The following DUT variants were observed in gnomAD, a reference collection of about 807,000 sequenced individuals.
The protein encoded by DUT is deoxyuridine 5'-triphosphate nucleotidohydrolase, mitochondrial.
DUT carries 21 observed loss-of-function variants against 28.8 expected under a neutral mutation model. The observed-to-expected ratio is 0.73, with a 90% CI of 0.52 to 1.05. The LOEUF is 1.05. Ranked by LOEUF, DUT falls within the 50% of genes least tolerant of loss-of-function variation. The pLI is 0.00. For synonymous variants in DUT, 147 were observed against 143.7 expected (o/e 1.02, Z -0.17); for missense variants, 344 against 351.8 (o/e 0.98, Z 0.18).
chr15:48,342,205 C>T lies in DUT; in HGVS notation c.*127C>T. The T allele has an allele frequency of 2.1e-6, 1 of 485,734 alleles. No individual in the cohort carries two copies. Among genetic ancestry groups the T allele is most frequent in the East Asian group, 3.6e-5 (1 of 27,428 alleles). The allele number at this position is 485,734 out of a possible 1,614,324, so 30.1% of individuals were successfully genotyped here. ...TTACTAGCTTTACCTTCTAAAAGTA[C>T]TGCATTTTTTACTTTTTTTTATGAT... On this transcript the variant is annotated 3_prime_UTR_variant, in exon 7 of 7. Transcript: ENST00000331200.
intron 2 of DUT, among the ~76,000 whole-genome samples, chr15:48,333,621 A>G (rs1434488426): frequency 6.6e-6 from 1 of 152,174 alleles, no homozygotes; most frequent in African/African-American, 2.4e-5. Context: ...GCTCATTGTA[A>G]AATCTCTTAA....
intron 4 of DUT, among the ~76,000 whole-genome samples, chr15:48,338,153 T>C (rs2042494077): frequency 6.6e-6 from 1 of 152,070 alleles, no homozygotes; most frequent in African/African-American, 2.4e-5. Flanking sequence ...GGTAAATGAA[T>C]TTGGAACTAC....
intron 3 of DUT, 84 bp from the exon 4 acceptor site, chr15:48,335,962 A>T (rs1162718776): frequency 1.4e-5 from 15 of 1,043,342 alleles, no homozygotes; most frequent in Non-Finnish European, 2.0e-5. Context: ...AGGTGAAGAG[A>T]ATGACATGCT....
chr15:48,338,627 A>C (rs920360454), intron 4 of DUT, among the ~76,000 whole-genome samples: 8 of 152,220 alleles, frequency 5.3e-5, no homozygotes, highest in Admixed American at 4.6e-4. Context: ...AGAATGTAAG[A>C]GATTGTTGCC....
intron 5 of DUT, 71 bp downstream of exon 5, chr15:48,341,434 A>G (rs781703744): frequency 6.5e-7 from 1 of 1,535,724 alleles, no homozygotes; most frequent in Non-Finnish European, 9.0e-7. Context: ...ATTAATATTG[A>G]CTCCTTTAAT....
Position 48,342,525 on chromosome 15 carries a change from A to G in DUT, c.*447A>G, listed in dbSNP as rs1278598955. On this transcript the variant is annotated 3_prime_UTR_variant, in exon 7 of 7. Coordinates refer to ENST00000331200, the MANE Select transcript of DUT (RefSeq NM_001025248.2). ...TTTCACAAGGTACAAAATCTTGCAT[A>G]AGCTGAACTAAAATAAAAATGAAAA... 2 of 152,326 alleles carry G rather than the reference A, an allele frequency of 1.3e-5. No homozygotes were observed. The highest frequency in any genetic ancestry group is 2.4e-5 in the African/African-American group (1 of 41,466). The allele number at this position is 152,326 out of a possible 1,614,324, so 9.4% of individuals were successfully genotyped here.
chr15:48,338,690 G>A (rs1255367109), intron 4 of DUT, among the ~76,000 whole-genome samples: 1 of 152,208 alleles, frequency 6.6e-6, no homozygotes, highest in Non-Finnish European at 1.5e-5. Flanking sequence ...ATTGCTGATG[G>A]AAGTTTGAGT....
At chr15:48,331,115 CG>C, upstream of DUT, 1 of 1,265,730 alleles carries the variant, frequency 7.9e-7, no homozygotes, top group South Asian at 2.0e-5. Flanking sequence ...TCACCGGCGC[CG>C]AGATGCGGTT....
chr15:48,334,121 CTT>C (rs1203384511), intron 2 of DUT, among the ~76,000 whole-genome samples: 1 of 152,098 alleles, frequency 6.6e-6, no homozygotes, highest in African/African-American at 2.4e-5. Context: ...TTCCAATAAA[CTT>C]TTGTTCAGGG....
In DUT at chr15:48,341,549, C is replaced by A; in HGVS notation, c.666C>A (p.Cys222Ter). The A allele has an allele frequency of 6.2e-7, 1 of 1,612,810 alleles. No homozygotes were observed. The highest frequency in any genetic ancestry group is 8.5e-7 in the Non-Finnish European group (1 of 1,179,296). ...KKGDRIAQLICERIFYPEIEE... is the reference protein window; with the variant it reads ...KKGDRIAQLI ...GTGATCGAATTGCACAGCTCATTTG[C>A]GAACGGATTTTTTATCCAGAAATAG... The change falls in exon 6 of 7, where the codon TGC becomes TGA. Residue 222 changes from cysteine (C) to a stop codon, truncating the protein, a stop_gained. Coordinates refer to ENST00000331200, the MANE Select transcript of DUT (RefSeq NM_001025248.2). LOFTEE classifies it high-confidence loss of function.
intron 2 of DUT, among the ~76,000 whole-genome samples, chr15:48,333,487 A>T (rs2042441652): frequency 6.6e-6 from 1 of 152,208 alleles, no homozygotes. Context: ...ACTGAAATTG[A>T]CATGGAAATA....
In DUT at chr15:48,341,605, A is replaced by T. The variant is rs375942854; in HGVS notation, c.702+20A>T. 2 of 1,576,702 alleles carry T rather than the reference A, an allele frequency of 1.3e-6. No individual in the cohort carries two copies. Among genetic ancestry groups the T allele is most frequent in the African/African-American group, 1.3e-5 (1 of 74,190 alleles). ...GTTCAAGTAAGTATTACAAAGGAAG[A>T]TACAGAATAAGTAATATAACATCTT... On this transcript the variant is annotated intron_variant, in intron 6 of 6. Coordinates refer to ENST00000331200, the MANE Select transcript of DUT (RefSeq NM_001025248.2).
rs1295391615 is a variant in DUT at position 48,331,558 on chromosome 15, C to T, written c.43C>T (p.Leu15Phe). ...TCGCCCCGCGCTCTGCTACCATTTC[C>T]TTACGTCTCTGCTTCGCTCAGCGAT... ...CPRPALCYHF[L>F]TSLLRSAMQN... The change falls in exon 1 of 7, where the codon CTT becomes TTT. Residue 15 changes from leucine to phenylalanine, a missense_variant. By Grantham distance (22) the Leu-to-Phe change is conservative. Coordinates refer to ENST00000331200, the MANE Select transcript of DUT (RefSeq NM_001025248.2). The T allele has an allele frequency of 5.0e-6, 8 of 1,610,166 alleles. No homozygotes were observed. The highest frequency in any genetic ancestry group is 5.9e-6 in the Non-Finnish European group (7 of 1,178,802).
chr15:48,333,099 T>G (rs943743022), intron 2 of DUT, among the ~76,000 whole-genome samples: 5 of 151,954 alleles, frequency 3.3e-5, no homozygotes, highest in Admixed American at 3.3e-4. Flanking sequence ...CTGACTACTG[T>G]GCCCAGTTCT....
At chr15:48,339,696 T>A (rs1002035122) in intron 4 of DUT, among the ~76,000 whole-genome samples, 1 of 152,152 alleles carries the variant, frequency 6.6e-6, no homozygotes, top group Non-Finnish European at 1.5e-5. Flanking sequence ...ATGGATTGTT[T>A]CCTTCAGGCC....
At chr15:48,340,803 A>T (rs904985134) in intron 4 of DUT, among the ~76,000 whole-genome samples, 3 of 152,208 alleles carry the variant, frequency 2.0e-5, no homozygotes, top group Non-Finnish European at 2.9e-5. Context: ...GGAATATTCT[A>T]ATATTTGCAA....
intron 2 of DUT, among the ~76,000 whole-genome samples, chr15:48,332,918 T>A (rs2042434562): frequency 6.6e-6 from 1 of 152,272 alleles, no homozygotes; most frequent in Non-Finnish European, 1.5e-5. Flanking sequence ...ACGTTTTACC[T>A]GTACTAAAAA....
At chr15:48,332,119 T>TCGTCCC in intron 1 of DUT, 149 bp from the exon 2 acceptor site, 1 of 1,390,486 alleles carries the variant, frequency 7.2e-7, no homozygotes, top group Non-Finnish European at 9.3e-7. Context: ...AACTGTGGAC[T>TCGTCCC]CGTCCCGGGG....
At chr15:48,336,209 G>T in intron 4 of DUT, 119 bp downstream of exon 4, 1 of 768,894 alleles carries the variant, frequency 1.3e-6, no homozygotes. Context: ...AGGAAAGCTT[G>T]TTATAATAGG....
Sources: allele counts gnomAD v4.1 joint callset (sites outside exome capture counted in the v4.1 genomes callset), GRCh38; gene constraint gnomAD v4.1.1; transcripts MANE v1.5; gene names NCBI Gene and HGNC (gene_info 2026-07-23, HGNC 2026-07-21).